RABGAP1L: variants seen among roughly 807,000 people sequenced by gnomAD.
RABGAP1L encodes rab GTPase-activating protein 1-like.
A neutral mutation model predicts 137.7 loss-of-function variants in RABGAP1L; 63 were observed. The observed-to-expected ratio is 0.46, with a 90% confidence interval of 0.37 to 0.56. The LOEUF (loss-of-function observed/expected upper bound fraction) is 0.56, where lower values mean the gene tolerates loss of function less well. Among genes scored for constraint, RABGAP1L ranks in the 20% least tolerant of loss-of-function variants. RABGAP1L has a pLI of 0.00. For missense variants in RABGAP1L, 1,095 were observed against 1,244.0 expected, an observed-to-expected ratio of 0.88 and a Z score of 1.80; for synonymous variants, 431 against 433.7, an observed-to-expected ratio of 0.99 and a Z score of 0.08.
intron 13 of RABGAP1L, among the ~76,000 whole-genome samples, chr1:174,499,994 C>T (rs1369730149): frequency 1.3e-5 from 2 of 151,734 alleles, no homozygotes; most frequent in East Asian, 1.9e-4. Context: ...TCATTTAGTC[C>T]AAACCTCTTA....
rs375783547 is a variant in RABGAP1L, at chr1:174,394,149, G to A, written c.1710+4G>A. ...ATACCGAATTCTTATCACAAAGGTA[G>A]GAAGAAGTTCTTTTCATATTATTTT... On this transcript the variant is annotated splice_donor_region_variant and intron_variant, in intron 13 of 25. Transcript: ENST00000681986. The A allele has an allele frequency of 5.1e-4, 825 of 1,610,386 alleles. 7 individuals are homozygous for A. The highest frequency in any genetic ancestry group is 5.4e-4 in the East Asian group (24 of 44,852).
intron 13 of RABGAP1L, among the ~76,000 whole-genome samples, chr1:174,421,857 A>G (rs1002113041): frequency 1.0e-3 from 159 of 152,222 alleles, no homozygotes; most frequent in African/African-American, 3.5e-3. Flanking sequence ...CAAACTCTGC[A>G]TACTGGGTTC....
intron 19 of RABGAP1L, among the ~76,000 whole-genome samples, chr1:174,884,572 C>T (rs989410222): frequency 2.0e-5 from 3 of 152,192 alleles, no homozygotes; most frequent in Admixed American, 2.0e-4. Context: ...AAGCATCCAA[C>T]CAATCATTTG....
In RABGAP1L at chr1:174,486,223, C is replaced by CT. The variant is rs201692363; in HGVS notation, c.1710+92094dup. Among the ~76,000 whole-genome samples the CT allele has an allele frequency of 7.6e-3, 916 of 119,862 alleles. 6 individuals carry two copies. The highest frequency in any genetic ancestry group is 0.011 in the Non-Finnish European group (649 of 57,032). 78.6% of individuals were successfully genotyped at this position (119,862 alleles called of 152,430 possible). On this transcript the variant is annotated intron_variant, in intron 13 of 25. Coordinates refer to ENST00000681986, the MANE Select transcript of RABGAP1L (RefSeq NM_001366446.1). ...GATTCTATTTATTTGGTTCTTTTTTCTTTTTTTTTTTTTTTTGTCTGGCTA... is the reference window on the plus strand; with the variant it reads ...GATTCTATTTATTTGGTTCTTTTTTCTTTTTTTTTTTTTTTTTGTCTGGCTA...
chr1:174,268,740 GT>G (rs1294078987), intron 7 of RABGAP1L, among the ~76,000 whole-genome samples: 1 of 152,054 alleles, frequency 6.6e-6, no homozygotes, highest in Non-Finnish European at 1.5e-5. Context: ...GTGATACAGA[GT>G]TTTTGGTATT....
chr1:174,170,623 C>T lies in RABGAP1L; in HGVS notation c.-34+10966C>T, dbSNP rs181097969. Among the ~76,000 whole-genome samples, 263 of 143,696 alleles carry T rather than the reference C, an allele frequency of 1.8e-3. 1 individual carries two copies. Among genetic ancestry groups the T allele is most frequent in the Admixed American group, 4.9e-3 (66 of 13,550 alleles). 94.3% of individuals were successfully genotyped at this position (143,696 alleles called of 152,430 possible). Reference sequence around the variant, plus strand: ...CAGGGAGGCTGAGGTTGCAGTGAGCCGAGATTGCGCCACTGCACTCCAGCC... The same window carrying T: ...CAGGGAGGCTGAGGTTGCAGTGAGCTGAGATTGCGCCACTGCACTCCAGCC... On this transcript the variant is annotated intron_variant, in intron 1 of 25. Coordinates refer to ENST00000681986, the MANE Select transcript of RABGAP1L (RefSeq NM_001366446.1).
chr1:174,543,997 A>G (rs1172099806), intron 13 of RABGAP1L, among the ~76,000 whole-genome samples: 1 of 152,120 alleles, frequency 6.6e-6, no homozygotes, highest in Non-Finnish European at 1.5e-5. Context: ...TTTGTGGGTA[A>G]CTCGACCTTT....
intron 1 of RABGAP1L, among the ~76,000 whole-genome samples, chr1:174,197,443 G>C (rs1667775029): frequency 6.6e-6 from 1 of 152,072 alleles, no homozygotes; most frequent in South Asian, 2.1e-4. Flanking sequence ...ATCCCTCTTG[G>C]TGAAAGGAGC....
chr1:174,177,387 G>C (rs1665974322), intron 1 of RABGAP1L, among the ~76,000 whole-genome samples: 1 of 152,158 alleles, frequency 6.6e-6, no homozygotes, highest in African/African-American at 2.4e-5. Flanking sequence ...TTAGACCATA[G>C]TTAGATGGGT....
At chr1:174,522,859 A>G (rs1354597211) in intron 13 of RABGAP1L, among the ~76,000 whole-genome samples, 2 of 152,196 alleles carry the variant, frequency 1.3e-5, no homozygotes, top group African/African-American at 2.4e-5. Flanking sequence ...GATAGCATGA[A>G]GAGGATGGTG....
At chr1:174,443,940 T>C (rs1231247865) in intron 13 of RABGAP1L, among the ~76,000 whole-genome samples, 1 of 152,076 alleles carries the variant, frequency 6.6e-6, no homozygotes, top group Non-Finnish European at 1.5e-5. Context: ...AGACACTGTC[T>C]TTTCAACAGT....
intron 1 of RABGAP1L, among the ~76,000 whole-genome samples, chr1:174,177,308 G>T (rs940408107): frequency 6.6e-6 from 1 of 151,984 alleles, no homozygotes; most frequent in Non-Finnish European, 1.5e-5. Context: ...CATATCCTTC[G>T]CCTACTTTTG....
intron 10 of RABGAP1L, among the ~76,000 whole-genome samples, chr1:174,292,634 C>T (rs575355410): frequency 2.0e-5 from 3 of 151,744 alleles, no homozygotes; most frequent in Non-Finnish European, 4.4e-5. Flanking sequence ...GATTTGAATT[C>T]TTTTAAACTG....
intron 14 of RABGAP1L, among the ~76,000 whole-genome samples, chr1:174,677,159 C>CAAAAAAAAAAAAAAAAAAAAAA (rs10636911): frequency 7.9e-6 from 1 of 126,354 alleles, no homozygotes. Flanking sequence ...CCATCTCTAC[C>CAAAAAAAAAAAAAAAAAAAAAA]AAAAAAAAAA....
At chr1:174,719,286 T>A (rs1455887599) in intron 17 of RABGAP1L, among the ~76,000 whole-genome samples, 1 of 152,218 alleles carries the variant, frequency 6.6e-6, no homozygotes, top group Non-Finnish European at 1.5e-5. Flanking sequence ...AAAGATAAAA[T>A]TGGATTTTAT....
chr1:174,812,902 G>C (rs1165166156), intron 19 of RABGAP1L, among the ~76,000 whole-genome samples: 1 of 152,164 alleles, frequency 6.6e-6, no homozygotes, highest in African/African-American at 2.4e-5. Flanking sequence ...TCAATAGCCA[G>C]TTCAAAGGTC....
chr1:174,958,050 C>A, intron 20 of RABGAP1L: 1 of 1,528,108 alleles, frequency 6.5e-7, no homozygotes, highest in Non-Finnish European at 8.8e-7. Context: ...CATGTCATAT[C>A]CACAAAGACT....
chr1:174,194,890 A>G (rs772558732), intron 1 of RABGAP1L, among the ~76,000 whole-genome samples: 13 of 152,244 alleles, frequency 8.5e-5, no homozygotes, highest in Middle Eastern at 3.4e-3. Context: ...GTTTTTCAGG[A>G]GGTCTTTACA....
At chr1:174,195,445 T>G (rs1667500895) in intron 1 of RABGAP1L, among the ~76,000 whole-genome samples, 1 of 152,186 alleles carries the variant, frequency 6.6e-6, no homozygotes, top group Non-Finnish European at 1.5e-5. Context: ...TTTTCTTCAG[T>G]TTAGAAAAAT....
Sources: allele counts gnomAD v4.1 joint callset (sites outside exome capture counted in the v4.1 genomes callset), GRCh38; gene constraint gnomAD v4.1.1; transcripts MANE v1.5; gene names NCBI Gene and HGNC (gene_info 2026-07-23, HGNC 2026-07-21).